Variants in RAP1GAP2 observed in about 807,000 individuals in gnomAD.
RAP1GAP2 encodes the protein RAP1 GTPase activating protein 2, also known as rap1 GTPase-activating protein 2.
Under a neutral mutation model 95.0 loss-of-function variants are expected in RAP1GAP2, and 27 were observed. The ratio of observed to expected loss-of-function variants is 0.28; its 90% confidence interval spans 0.21 to 0.39. The LOEUF is 0.39. Among genes scored for constraint, RAP1GAP2 ranks in the 10% least tolerant of loss-of-function variants. RAP1GAP2 has a pLI of 1.00. For missense variants in RAP1GAP2, 771 were observed against 970.0 expected (o/e 0.79, Z 2.72); for synonymous variants, 373 against 380.9 (o/e 0.98, Z 0.24).
At chr17:2,913,348 G>T (rs544574654) in intron 3 of RAP1GAP2, among the ~76,000 whole-genome samples, 2 of 152,160 alleles carry the variant, frequency 1.3e-5, no homozygotes, top group South Asian at 4.2e-4. Context: ...GAGTGCAGTG[G>T]CGTAATCTCA....
intron 18 of RAP1GAP2, among the ~76,000 whole-genome samples, chr17:3,019,975 C>T (rs4239035): frequency 0.9 from 136,408 of 152,332 alleles, 61,467 homozygotes; most frequent in Non-Finnish European, 0.95. Context: ...CCTGGCTCTG[C>T]GGCTCTCAGC....
At chr17:2,852,713 C>CT (rs1425274666) in intron 2 of RAP1GAP2, among the ~76,000 whole-genome samples, 2 of 152,254 alleles carry the variant, frequency 1.3e-5, no homozygotes, top group Non-Finnish European at 2.9e-5. Flanking sequence ...TGCCCACTTC[C>CT]TTTTCCCTAG....
At chr17:2,946,842 C>T (rs1476184144) in intron 3 of RAP1GAP2, among the ~76,000 whole-genome samples, 6 of 152,174 alleles carry the variant, frequency 3.9e-5, no homozygotes, top group African/African-American at 7.2e-5. Flanking sequence ...GCAACCTCCA[C>T]CCCCCGGGTT....
rs2072864777 is a variant in RAP1GAP2 at position 2,871,972 on chromosome 17, T to C, written c.81-33312T>C. Among the ~76,000 whole-genome samples, 3 of 152,114 alleles carry C rather than the reference T, an allele frequency of 2.0e-5. No homozygotes were observed. In the South Asian group the frequency reaches 6.2e-4, roughly 32 times the overall value. On this transcript the variant is annotated intron_variant, in intron 2 of 24. Coordinates refer to ENST00000254695, the MANE Select transcript of RAP1GAP2 (RefSeq NM_015085.5). The surrounding 1 kb of genome is among the most constrained non-coding windows in gnomAD (Gnocchi z 5.0). ...GGCGTGGTGGCTCACGCCTGGAATC[T>C]CAGCGCTTTTGGAGGCTGAGGTGGG...
intron 1 of RAP1GAP2, among the ~76,000 whole-genome samples, chr17:2,787,239 C>T (rs1429635419): frequency 1.3e-5 from 2 of 151,822 alleles, no homozygotes; most frequent in Non-Finnish European, 2.9e-5. Flanking sequence ...GTGTGAGCCA[C>T]CATGCCCAGC....
intron 2 of RAP1GAP2, among the ~76,000 whole-genome samples, chr17:2,805,884 C>A (rs986171715): frequency 1.3e-5 from 2 of 152,128 alleles, no homozygotes; most frequent in African/African-American, 4.8e-5. Context: ...AGCCTGTCTC[C>A]ACTGCTGGAG....
chr17:2,829,859 C>T (rs552125945), intron 2 of RAP1GAP2, among the ~76,000 whole-genome samples: 8 of 148,764 alleles, frequency 5.4e-5, no homozygotes, highest in Non-Finnish European at 8.9e-5. Flanking sequence ...GCTATGTTGC[C>T]CAGGCTAGTC....
At chr17:2,954,084 T>G (rs1427085269) in intron 3 of RAP1GAP2, among the ~76,000 whole-genome samples, 1 of 152,102 alleles carries the variant, frequency 6.6e-6, no homozygotes, top group Non-Finnish European at 1.5e-5. Flanking sequence ...GGAATTATGG[T>G]CCTTTATCTC....
At position 2,995,244 on chromosome 17, in the gene RAP1GAP2, C is replaced by T. The variant is rs1235449525; in HGVS notation, c.915-93C>T. 6.9e-6 allele frequency: 10 copies of T among 1,443,006 alleles called. No homozygotes were observed. The East Asian group carries it at 2.1e-4, about 30-fold the overall frequency. 89.4% of individuals were successfully genotyped at this position (1,443,006 alleles called of 1,614,324 possible). On this transcript the variant is annotated intron_variant, in intron 12 of 24. Coordinates refer to ENST00000254695, the MANE Select transcript of RAP1GAP2 (RefSeq NM_015085.5). ...CTCTCCTGTCTCCTCTGCTGCGTATCCTCTGCTGCGTATACTTAGGGGAGC... is the reference window on the plus strand; with the variant it reads ...CTCTCCTGTCTCCTCTGCTGCGTATTCTCTGCTGCGTATACTTAGGGGAGC...
chr17:2,892,154 A>G (rs1388434526), intron 2 of RAP1GAP2, among the ~76,000 whole-genome samples: 1 of 151,902 alleles, frequency 6.6e-6, no homozygotes, highest in Non-Finnish European at 1.5e-5. Context: ...TATGGTATGT[A>G]TTTATATTTT....
intron 1 of RAP1GAP2, among the ~76,000 whole-genome samples, chr17:2,779,280 G>A (rs1404774353): frequency 6.6e-6 from 1 of 152,222 alleles, no homozygotes; most frequent in African/African-American, 2.4e-5. Flanking sequence ...GTGTTAATAA[G>A]GCATTTATTG....
At chr17:2,901,600 T>C (rs1369649565) in intron 2 of RAP1GAP2, among the ~76,000 whole-genome samples, 1 of 152,254 alleles carries the variant, frequency 6.6e-6, no homozygotes, top group Non-Finnish European at 1.5e-5. Context: ...ATTTACCTTT[T>C]GCTTCTAATT....
chr17:2,987,987 T>A (rs1255020995), intron 11 of RAP1GAP2, among the ~76,000 whole-genome samples: 4 of 152,234 alleles, frequency 2.6e-5, no homozygotes, highest in Non-Finnish European at 1.5e-5. Flanking sequence ...GTAGAGCCTG[T>A]TGATCAGGCA....
In RAP1GAP2 at chr17:2,857,746, TGA is replaced by T; in HGVS notation, c.81-47536_81-47535del. Among the ~76,000 whole-genome samples, 1 of 152,246 alleles carries T rather than the reference TGA, an allele frequency of 6.6e-6. No individual in the cohort carries two copies. The highest frequency in any genetic ancestry group is 2.1e-4 in the South Asian group (1 of 4,828). Reference sequence around the variant, plus strand: ...GTGGGTAGTGGGGAGCTTGGCTCCCTGAGGGGGAAAACAGGCAGCTTTGCTGG... The same window carrying T: ...GTGGGTAGTGGGGAGCTTGGCTCCCTGGGGGAAAACAGGCAGCTTTGCTGG... On this transcript the variant is annotated intron_variant, in intron 2 of 24. Coordinates refer to ENST00000254695, the MANE Select transcript of RAP1GAP2 (RefSeq NM_015085.5). This position sits in a 1 kb window ranked among gnomAD's most constrained non-coding sequence, Gnocchi z 4.0.
chr17:2,771,370 G>A (rs2068389606), intron 2 of RAP1GAP2, among the ~76,000 whole-genome samples: 1 of 152,054 alleles, frequency 6.6e-6, no homozygotes, highest in South Asian at 2.1e-4. Flanking sequence ...GCCAGCATCG[G>A]CAGTCACAAC....
At chr17:2,873,284 A>C in intron 2 of RAP1GAP2, among the ~76,000 whole-genome samples, 4 of 131,766 alleles carry the variant, frequency 3.0e-5, no homozygotes, top group South Asian at 2.5e-4. Context: ...ACATGGTGAA[A>C]CCCTATCTCT....
At chr17:2,942,945 T>A (rs1165695891) in intron 3 of RAP1GAP2, among the ~76,000 whole-genome samples, 1 of 151,944 alleles carries the variant, frequency 6.6e-6, no homozygotes, top group Non-Finnish European at 1.5e-5. Flanking sequence ...ATTTTTGTAT[T>A]TTTAGTAGAG....
At chr17:2,778,798 G>T (rs1034360677) in intron 1 of RAP1GAP2, among the ~76,000 whole-genome samples, 2 of 152,194 alleles carry the variant, frequency 1.3e-5, no homozygotes, top group Admixed American at 6.5e-5. Flanking sequence ...AAACAAGGGC[G>T]AGGACATGGG....
intron 1 of RAP1GAP2, among the ~76,000 whole-genome samples, chr17:2,788,406 C>T (rs1429659397): frequency 6.6e-6 from 1 of 152,198 alleles, no homozygotes; most frequent in East Asian, 1.9e-4. Context: ...AGCAGTTCTC[C>T]TGCCTCAGCC....
Sources: allele counts gnomAD v4.1 joint callset (sites outside exome capture counted in the v4.1 genomes callset), GRCh38; gene constraint gnomAD v4.1.1; non-coding constraint Gnocchi (gnomAD v3.1); transcripts MANE v1.5; gene names NCBI Gene and HGNC (gene_info 2026-07-23, HGNC 2026-07-21).